The following CRADD variants were observed in gnomAD, a reference collection of about 807,000 sequenced individuals.
CRADD encodes death domain-containing protein CRADD.
Under a neutral mutation model 15.5 loss-of-function variants are expected in CRADD, and 9 were observed. That is an observed-to-expected ratio of 0.58 (90% CI 0.35 to 1.01). The LOEUF is 1.01. Ranked by LOEUF, CRADD falls within the 50% of genes least tolerant of loss-of-function variation. The pLI is 0.02. For synonymous variants in CRADD, 118 were observed against 107.6 expected, an observed-to-expected ratio of 1.10 and a Z score of -0.60; for missense variants, 227 against 250.3, an observed-to-expected ratio of 0.91 and a Z score of 0.63.
At chr12:93,705,926 A>G (rs1166764902) in intron 2 of CRADD, among the ~76,000 whole-genome samples, 1 of 152,212 alleles carries the variant, frequency 6.6e-6, no homozygotes, top group African/African-American at 2.4e-5. Flanking sequence ...AACATGTATT[A>G]TTCGGAGTTA....
chr12:93,752,745 A>G (rs965867819), intron 2 of CRADD, among the ~76,000 whole-genome samples: 7 of 152,252 alleles, frequency 4.6e-5, no homozygotes, highest in Admixed American at 2.0e-4. Context: ...CCTCATAATC[A>G]TGGCAGAAGG....
intron 2 of CRADD, among the ~76,000 whole-genome samples, chr12:93,743,115 A>G (rs1275364023): frequency 6.6e-6 from 1 of 152,232 alleles, no homozygotes; most frequent in Non-Finnish European, 1.5e-5. Context: ...TTAATGAATT[A>G]ATGTGGCGTA....
rs115487107 is a variant in CRADD, at chr12:93,785,674, G to A, written c.299-64296G>A. Reference sequence around the variant, plus strand: ...CAGTTCCAGCATGTTCATCAGAAATGCAAGCTCATGATAGTCATTTCAAAG... The same window carrying A: ...CAGTTCCAGCATGTTCATCAGAAATACAAGCTCATGATAGTCATTTCAAAG... On this transcript the variant is annotated intron_variant, in intron 2 of 2. Coordinates refer to ENST00000332896, the MANE Select transcript of CRADD (RefSeq NM_003805.5). Among the ~76,000 whole-genome samples, 807 of 152,298 alleles carry A rather than the reference G, an allele frequency of 5.3e-3. 6 individuals are homozygous for A. Among genetic ancestry groups the A allele is most frequent in the African/African-American group, 0.018 (766 of 41,562 alleles).
chr12:93,682,043 T>A (rs936352758), intron 2 of CRADD, among the ~76,000 whole-genome samples: 3 of 152,192 alleles, frequency 2.0e-5, no homozygotes, highest in African/African-American at 7.2e-5. Context: ...ATTTAATTGG[T>A]GGCAATATTT....
At chr12:93,867,010 C>T (rs922500323) in intron 2 of CRADD, among the ~76,000 whole-genome samples, 2 of 152,066 alleles carry the variant, frequency 1.3e-5, no homozygotes, top group Non-Finnish European at 2.9e-5. Context: ...TCTGATCACA[C>T]AAAGTAAGCA....
chr12:93,816,024 A>T (rs1227476593), intron 2 of CRADD: 1 of 152,236 alleles, frequency 6.6e-6, no homozygotes, highest in Non-Finnish European at 1.5e-5. Flanking sequence ...TAGAAATATC[A>T]TGCAAGCCAC....
intron 2 of CRADD, among the ~76,000 whole-genome samples, chr12:93,764,024 G>C (rs1380422763): frequency 6.6e-6 from 1 of 152,144 alleles, no homozygotes; most frequent in Non-Finnish European, 1.5e-5. Flanking sequence ...TATTCAGTCT[G>C]GTGGGCAGAC....
chr12:93,859,270 T>A, intron 2 of CRADD: 1 of 452,790 alleles, frequency 2.2e-6, no homozygotes, highest in Non-Finnish European at 4.4e-6. Flanking sequence ...AAAGCTATAA[T>A]CAAATACATT....
intron 2 of CRADD, among the ~76,000 whole-genome samples, chr12:93,796,600 CAA>C (rs397813054): frequency 3.9e-4 from 44 of 113,794 alleles, no homozygotes; most frequent in Non-Finnish European, 4.7e-4. Context: ...AAAACGGTGT[CAA>C]AAAAAAAAAA....
intron 2 of CRADD, among the ~76,000 whole-genome samples, chr12:93,805,074 T>C (rs1462275294): frequency 6.6e-6 from 1 of 152,070 alleles, no homozygotes; most frequent in Non-Finnish European, 1.5e-5. Context: ...CAGTAAGTCA[T>C]TTCTGAGTTA....
At chr12:93,838,216 T>TTG (rs1957999232) in intron 2 of CRADD, among the ~76,000 whole-genome samples, 1 of 78,764 alleles carries the variant, frequency 1.3e-5, no homozygotes, top group Non-Finnish European at 3.2e-5. Flanking sequence ...CTTTTGAGGT[T>TTG]TTTTTTTTTT....
chr12:93,683,044 G>A (rs1955355216), intron 2 of CRADD, among the ~76,000 whole-genome samples: 1 of 152,186 alleles, frequency 6.6e-6, no homozygotes, highest in Non-Finnish European at 1.5e-5. Flanking sequence ...GGTCATTTAG[G>A]AGATAGGGAC....
intron 2 of CRADD, among the ~76,000 whole-genome samples, chr12:93,893,071 C>T (rs1160984355): frequency 6.6e-6 from 1 of 152,184 alleles, no homozygotes; most frequent in African/African-American, 2.4e-5. Flanking sequence ...GGACTCGGCT[C>T]TTCCTTTTTT....
intron 2 of CRADD, among the ~76,000 whole-genome samples, chr12:93,810,849 G>T (rs1178630296): frequency 6.6e-6 from 1 of 152,206 alleles, no homozygotes; most frequent in Non-Finnish European, 1.5e-5. Flanking sequence ...TGAGGTACAA[G>T]TGTATTTGGA....
chr12:93,678,983 A>T lies in CRADD; in HGVS notation c.209A>T (p.Asp70Val), dbSNP rs376616387. ...CCTTCCAGGGGCCCTAAAGCATTTGATACATTCCTAGATTCCCTACAGGAG... is the reference window on the plus strand; with the variant it reads ...CCTTCCAGGGGCCCTAAAGCATTTGTTACATTCCTAGATTCCCTACAGGAG... ...ILPSRGPKAF[D>V]TFLDSLQEFP... Residue 70 changes from aspartate (D) to valine (V), a missense_variant, in exon 2 of 3, where the codon GAT (aspartate) becomes GTT (valine). Physicochemically the swap from Asp to Val is radical, Grantham distance 152. Coordinates refer to ENST00000332896, the MANE Select transcript of CRADD (RefSeq NM_003805.5). 3.1e-6 allele frequency: 5 copies of T among 1,614,032 alleles called. No homozygotes were observed. The Admixed American group carries it at 6.7e-5, about 22-fold the overall frequency.
At chr12:93,826,372 A>G (rs1957824041) in intron 2 of CRADD, among the ~76,000 whole-genome samples, 1 of 152,204 alleles carries the variant, frequency 6.6e-6, no homozygotes, top group African/African-American at 2.4e-5. Context: ...TCCAAGGGAG[A>G]AGCAGCCAAG....
intron 2 of CRADD, among the ~76,000 whole-genome samples, chr12:93,770,096 C>CTT (rs34791279): frequency 0.4 from 52,144 of 129,634 alleles, 12,113 homozygotes; most frequent in East Asian, 0.7. Flanking sequence ...CCTATGTTAT[C>CTT]TTTTTTTTTT....
chr12:93,763,470 G>A (rs1343864354), intron 2 of CRADD, among the ~76,000 whole-genome samples: 1 of 151,778 alleles, frequency 6.6e-6, no homozygotes, highest in Non-Finnish European at 1.5e-5. Flanking sequence ...TTTTCATGTG[G>A]ATAAACTGCC....
intron 2 of CRADD, among the ~76,000 whole-genome samples, chr12:93,745,961 C>T (rs952361458): frequency 1.3e-5 from 2 of 152,084 alleles, no homozygotes; most frequent in African/African-American, 4.8e-5. Flanking sequence ...CACACTATTA[C>T]CACCACCACC....
Sources: gnomAD v4.1 joint callset for allele counts (sites outside exome capture counted in the v4.1 genomes callset) on GRCh38, gnomAD v4.1.1 for gene constraint, MANE v1.5 for transcripts, NCBI Gene and HGNC (gene_info 2026-07-23, HGNC 2026-07-21) for gene names.